Variants in FAM171A1 observed in about 807,000 individuals in gnomAD.
FAM171A1 encodes family with sequence similarity 171 member A1.
In FAM171A1, 23 loss-of-function variants were observed where a neutral mutation model predicts 74.9. That is an observed-to-expected ratio of 0.31 (90% CI 0.22 to 0.44). The LOEUF is 0.44. FAM171A1 is among the 20% of genes least tolerant of loss of function. The pLI, the probability that FAM171A1 is intolerant of heterozygous loss-of-function variation, is 1.00. For missense variants in FAM171A1, 1,162 were observed against 1,159.2 expected, an observed-to-expected ratio of 1.00 and a Z score of -0.03; for synonymous variants, 527 against 505.7, an observed-to-expected ratio of 1.04 and a Z score of -0.57.
chr10:15,312,673 G>GTTTT lies in FAM171A1; in HGVS notation c.98-28572_98-28569dup, dbSNP rs1169098742. On this transcript the variant is annotated intron_variant, in intron 1 of 7. Transcript: ENST00000378116. ...TACTGGAATGAGTTCAGCACTGTGT[G>GTTTT]TTTTTTTTTTTTTTTTTTTTTTTTT... Among the ~76,000 whole-genome samples, 238 of 36,320 alleles carry GTTTT rather than the reference G, an allele frequency of 6.6e-3. 14 individuals carry two copies. Among genetic ancestry groups the GTTTT allele is most frequent in the Non-Finnish European group, 8.3e-3 (177 of 21,346 alleles). 23.8% of individuals were successfully genotyped at this position (36,320 alleles called of 152,430 possible).
At chr10:15,342,472 G>A (rs1159755604) in intron 1 of FAM171A1, among the ~76,000 whole-genome samples, 1 of 152,188 alleles carries the variant, frequency 6.6e-6, no homozygotes, top group South Asian at 2.1e-4. Flanking sequence ...GGAGGCTGAG[G>A]AGGAAGGATT....
intron 1 of FAM171A1, among the ~76,000 whole-genome samples, chr10:15,305,455 T>A (rs150515769): frequency 1.3e-5 from 2 of 152,052 alleles, no homozygotes; most frequent in South Asian, 4.2e-4. Flanking sequence ...GGTGGGAGGA[T>A]TGCTTGAGGC....
chr10:15,223,864 A>T (rs553325757), intron 5 of FAM171A1, among the ~76,000 whole-genome samples: 2 of 152,268 alleles, frequency 1.3e-5, no homozygotes, highest in African/African-American at 4.8e-5. Flanking sequence ...GAGCCACTGC[A>T]CTCCAGCCTG....
chr10:15,270,770 T>C (rs1340550105), intron 3 of FAM171A1, among the ~76,000 whole-genome samples: 2 of 152,214 alleles, frequency 1.3e-5, no homozygotes, highest in African/African-American at 2.4e-5. Flanking sequence ...AAACAGAGTC[T>C]GTAGTGGACC....
intron 1 of FAM171A1, among the ~76,000 whole-genome samples, chr10:15,332,536 T>C (rs904555945): frequency 6.6e-6 from 1 of 152,190 alleles, no homozygotes; most frequent in Non-Finnish European, 1.5e-5. Flanking sequence ...TATCCATCAA[T>C]GCTTTTCCAA....
chr10:15,214,252 T>C lies in FAM171A1; in HGVS notation c.1336A>G (p.Asn446Asp), dbSNP rs903825712. ...CCCAGCGTCCCACTTGGAGTGAGGT[T>C]ATCAAAGGAGATCTGGCTTTTATCC... ...EEDKSQISFDNLTPSGTLGKD... is the reference protein window; with the variant it reads ...EEDKSQISFDDLTPSGTLGKD... The change falls in exon 8 of 8, where the codon AAC becomes GAC. Residue 446 changes from asparagine to aspartate, a missense_variant. Coordinates refer to ENST00000378116, the MANE Select transcript of FAM171A1 (RefSeq NM_001010924.2). The C allele has an allele frequency of 1.2e-6, 2 of 1,614,100 alleles. No individual in the cohort carries two copies. The highest frequency in any genetic ancestry group is 1.7e-6 in the Non-Finnish European group (2 of 1,179,990).
chr10:15,321,192 T>C (rs530743471), intron 1 of FAM171A1, among the ~76,000 whole-genome samples: 39 of 152,318 alleles, frequency 2.6e-4, no homozygotes, highest in African/African-American at 8.2e-4. Context: ...ACTAGATGCT[T>C]TAAATAAGAG....
At chr10:15,308,200 C>A (rs1052467535) in intron 1 of FAM171A1, among the ~76,000 whole-genome samples, 4 of 152,110 alleles carry the variant, frequency 2.6e-5, no homozygotes, top group Admixed American at 2.6e-4. Context: ...GGTTGTCAGG[C>A]ACACAATCTA....
At chr10:15,265,578 GAAAAAAAAAAAAAA>G (rs58125400) in intron 3 of FAM171A1, among the ~76,000 whole-genome samples, 2 of 37,708 alleles carry the variant, frequency 5.3e-5, no homozygotes, top group Non-Finnish European at 8.6e-5. Flanking sequence ...TGGTGCCTCT[GAAAAAAAAAAAAAA>G]AAAAAAAAAA....
intron 2 of FAM171A1, among the ~76,000 whole-genome samples, chr10:15,277,959 T>C (rs1834915554): frequency 3.3e-5 from 5 of 152,172 alleles, no homozygotes. Flanking sequence ...TTTCGTCACA[T>C]TGGCCAGGCT....
rs147317199 is a variant in FAM171A1 at position 15,332,713 on chromosome 10, G to C, written c.97+38243C>G. ...ACAGTGGGCCTCAGGCAATGCAACTGTTCTGTTCCATTACCTACAGTGATC... is the reference window on the plus strand; with the variant it reads ...ACAGTGGGCCTCAGGCAATGCAACTCTTCTGTTCCATTACCTACAGTGATC... On this transcript the variant is annotated intron_variant, in intron 1 of 7. Transcript: ENST00000378116. Among the ~76,000 whole-genome samples the C allele has an allele frequency of 3.8e-3, 585 of 152,258 alleles. 1 individual carries two copies. The highest frequency in any genetic ancestry group is 0.013 in the African/African-American group (557 of 41,532).
intron 1 of FAM171A1, among the ~76,000 whole-genome samples, chr10:15,369,951 G>C (rs536145486): frequency 7.2e-5 from 11 of 152,330 alleles, no homozygotes; most frequent in African/African-American, 2.4e-4. Flanking sequence ...TCCAGGCAGC[G>C]GTGCCCTGGG....
chr10:15,373,934 T>C (rs1044125221), upstream of FAM171A1, among the ~76,000 whole-genome samples: 1 of 152,196 alleles, frequency 6.6e-6, no homozygotes, highest in Non-Finnish European at 1.5e-5. Context: ...GTTGTTGCTG[T>C]TGTGTTTTTA....
chr10:15,366,256 A>T (rs1836060791), intron 1 of FAM171A1, among the ~76,000 whole-genome samples: 1 of 152,076 alleles, frequency 6.6e-6, no homozygotes, highest in African/African-American at 2.4e-5. Context: ...AGTAGCTGGG[A>T]TTACAGGCGC....
At chr10:15,302,916 C>A (rs367728073) in intron 1 of FAM171A1, among the ~76,000 whole-genome samples, 1 of 152,174 alleles carries the variant, frequency 6.6e-6, no homozygotes, top group Non-Finnish European at 1.5e-5. Context: ...AGGCCGGGCG[C>A]GGTGGCTCAC....
At position 15,251,859 on chromosome 10, in the gene FAM171A1, CT is replaced by C. The variant is rs1420561138; in HGVS notation, c.577+2861del. ...GGATGTTGCCTGGCTCCCTTTAAGT[CT>C]GCACAAAGACAAGCAGGTGTCAGGC... On this transcript the variant is annotated intron_variant, in intron 4 of 7. Coordinates refer to ENST00000378116, the MANE Select transcript of FAM171A1 (RefSeq NM_001010924.2). Among the ~76,000 whole-genome samples the C allele has an allele frequency of 1.8e-4, 27 of 152,250 alleles. 1 individual carries two copies. The South Asian group carries it at 3.1e-3, about 18-fold the overall frequency.
chr10:15,284,664 C>G (rs1835014499), intron 1 of FAM171A1, among the ~76,000 whole-genome samples: 2 of 152,152 alleles, frequency 1.3e-5, no homozygotes, highest in Admixed American at 1.3e-4. Context: ...ATCTGCCCGC[C>G]TCAGGCTCCC....
At chr10:15,252,486 G>C (rs567297517) in intron 4 of FAM171A1, among the ~76,000 whole-genome samples, 2 of 152,288 alleles carry the variant, frequency 1.3e-5, no homozygotes, top group Non-Finnish European at 2.9e-5. Flanking sequence ...TGAGCTCTTA[G>C]ATGCCTTTAG....
At chr10:15,253,592 G>T (rs1223762242) in intron 4 of FAM171A1, among the ~76,000 whole-genome samples, 2 of 152,124 alleles carry the variant, frequency 1.3e-5, no homozygotes, top group African/African-American at 4.8e-5. Flanking sequence ...CTACAAAATG[G>T]ATCAAATGTT....
Sources: gnomAD v4.1 joint callset for allele counts (sites outside exome capture counted in the v4.1 genomes callset) on GRCh38, gnomAD v4.1.1 for gene constraint, MANE v1.5 for transcripts, NCBI Gene and HGNC (gene_info 2026-07-23, HGNC 2026-07-21) for gene names.